POU3F3: variants seen among roughly 807,000 people sequenced by gnomAD.
The protein encoded by POU3F3 is POU class 3 homeobox 3, also known as POU domain, class 3, transcription factor 3.
In POU3F3, 1 loss-of-function variant was observed where a neutral mutation model predicts 8.6. That is an observed-to-expected ratio of 0.12 (90% CI 0.04 to 0.55). The LOEUF is 0.55. Ranked by LOEUF, POU3F3 falls within the 20% of genes least tolerant of loss-of-function variation. POU3F3 has a pLI of 0.91. For synonymous variants in POU3F3, 418 were observed against 327.4 expected (o/e 1.28, Z -2.99); for missense variants, 577 against 690.7 (o/e 0.84, Z 1.84).
At position 104,855,747 on chromosome 2, in the gene POU3F3, G is replaced by C. The variant is rs1391390701; in HGVS notation, c.237G>C (p.Gln79His). 9.1e-6 allele frequency: 12 copies of C among 1,318,928 alleles called. No individual in the cohort carries two copies. Among genetic ancestry groups the C allele is most frequent in the Non-Finnish European group, 1.1e-5 (11 of 1,011,120 alleles). The allele number at this position is 1,318,928 out of a possible 1,614,324, so 81.7% of individuals were successfully genotyped here. ...AGATGGTCCAGAGCGACTTCATGCAGGGGGCCATGGCCGCCAGCAACGGCG... is the reference window on the plus strand; with the variant it reads ...AGATGGTCCAGAGCGACTTCATGCACGGGGCCATGGCCGCCAGCAACGGCG... ...SVKMVQSDFMQGAMAASNGGH... is the reference protein window; with the variant it reads ...SVKMVQSDFMHGAMAASNGGH... The change falls in exon 1 of 1, where the codon CAG (glutamine) becomes CAC (histidine). Residue 79 changes from glutamine to histidine, a missense_variant. Coordinates refer to ENST00000361360, the MANE Select transcript of POU3F3 (RefSeq NM_006236.3).
rs1054720975 is a variant in POU3F3, at chr2:104,858,061, T to A, written c.*1048T>A. Reference sequence around the variant, plus strand: ...ATGCCTAAAGATTCCACCGCTAATATTTTTTTTATTAATATTTTTTATTTT... The same window carrying A: ...ATGCCTAAAGATTCCACCGCTAATAATTTTTTTATTAATATTTTTTATTTT... On this transcript the variant is annotated 3_prime_UTR_variant, in exon 1 of 1. Transcript: ENST00000361360. 7.2e-5 allele frequency: 11 copies of A among 152,062 alleles called. No homozygotes were observed. The highest frequency in any genetic ancestry group is 1.0e-4 in the Non-Finnish European group (7 of 68,014). The allele number at this position is 152,062 out of a possible 1,614,324, so 9.4% of individuals were successfully genotyped here. A position where few individuals can be genotyped will look rare whatever the true frequency, so the allele number is the denominator to read the frequency against.
the POU3F3 span, among the ~76,000 whole-genome samples, chr2:104,909,080 A>G: frequency 6.6e-6 from 1 of 152,238 alleles, no homozygotes; most frequent in Admixed American, 6.5e-5. Flanking sequence ...ACTAGAAATT[A>G]TTTAGTTATT....
At chr2:104,925,137 G>T in the POU3F3 span, among the ~76,000 whole-genome samples, 19 of 152,090 alleles carry the variant, frequency 1.2e-4, no homozygotes, top group Admixed American at 2.6e-4. Flanking sequence ...TTCTTCTCTG[G>T]GTTTTGTACT....
the POU3F3 span, among the ~76,000 whole-genome samples, chr2:104,889,034 C>T: frequency 3.9e-5 from 6 of 152,230 alleles, no homozygotes; most frequent in Admixed American, 2.0e-4. Context: ...TTGCTCTGCA[C>T]GCATGAGTGG....
At position 104,856,339 on chromosome 2, in the gene POU3F3, C is replaced by G. The variant is rs960112634; in HGVS notation, c.829C>G (p.His277Asp). The change falls in exon 1 of 1, where the codon CAC becomes GAC. Residue 277 changes from histidine (H) to aspartate (D), a missense_variant. Transcript: ENST00000361360. Reference sequence around the variant, plus strand: ...CGAGCACCACCACCACCACCACCACCACGCGCATCCTCACCCGCCGCACCC... The same window carrying G: ...CGAGCACCACCACCACCACCACCACGACGCGCATCCTCACCCGCCGCACCC... Reference protein sequence around the residue: ...LAEHHHHHHHHAHPHPPHPHH... With the variant: ...LAEHHHHHHHDAHPHPPHPHH... 4 of 1,510,490 alleles carry G rather than the reference C, an allele frequency of 2.6e-6. No homozygotes were observed. Among genetic ancestry groups the G allele is most frequent in the Non-Finnish European group, 3.5e-6 (4 of 1,135,128 alleles). 93.6% of individuals were successfully genotyped at this position (1,510,490 alleles called of 1,614,324 possible). A position where few individuals can be genotyped will look rare whatever the true frequency, so the allele number is the denominator to read the frequency against.
chr2:104,912,342 C>T, the POU3F3 span, among the ~76,000 whole-genome samples: 1 of 152,224 alleles, frequency 6.6e-6, no homozygotes, highest in African/African-American at 2.4e-5. Context: ...ATTGGCCACT[C>T]CGCCCTCACG....
At chr2:104,865,556 T>C in the POU3F3 span, 1 of 152,214 alleles carries the variant, frequency 6.6e-6, no homozygotes, top group East Asian at 1.9e-4. Flanking sequence ...ATTAGCTCTG[T>C]CCTGCAGGAC....
Position 104,855,821 on chromosome 2 carries a change from C to A in POU3F3, c.311C>A (p.Ala104Asp). 9.1e-7 allele frequency: 1 copy of A among 1,104,630 alleles called. No homozygotes were observed. Among genetic ancestry groups the A allele is most frequent in the Non-Finnish European group, 1.1e-6 (1 of 904,842 alleles). 68.4% of individuals were successfully genotyped at this position (1,104,630 alleles called of 1,614,324 possible). A position where few individuals can be genotyped will look rare whatever the true frequency, so the allele number is the denominator to read the frequency against. ...AHQWVTALPHAAAAAAAAAAA... is the reference protein window; with the variant it reads ...AHQWVTALPHDAAAAAAAAAA... ...CAGTGGGTCACAGCCCTGCCCCACGCCGCCGCCGCCGCCGCCGCTGCCGCC... is the reference window on the plus strand; with the variant it reads ...CAGTGGGTCACAGCCCTGCCCCACGACGCCGCCGCCGCCGCCGCTGCCGCC... Residue 104 changes from alanine (A) to aspartate (D), a missense_variant, in exon 1 of 1, where the codon GCC becomes GAC. Ala to Asp is a moderately radical substitution (Grantham distance 126). This residue lies in a region of POU3F3 where 484 missense variants were observed against 422.6 expected (regional missense o/e 1.15). Coordinates refer to ENST00000361360, the MANE Select transcript of POU3F3 (RefSeq NM_006236.3).
chr2:104,887,762 A>T, the POU3F3 span, among the ~76,000 whole-genome samples: 2 of 152,346 alleles, frequency 1.3e-5, no homozygotes, highest in East Asian at 3.9e-4. Context: ...AAGCTGTTCA[A>T]GAGCTCCAGA....
the POU3F3 span, among the ~76,000 whole-genome samples, chr2:104,869,400 A>G: frequency 6.6e-6 from 1 of 152,194 alleles, no homozygotes; most frequent in Admixed American, 6.5e-5. Context: ...TCCATTTTCA[A>G]ACAAGTTGTG....
chr2:104,906,982 G>T, the POU3F3 span, among the ~76,000 whole-genome samples: 3 of 151,998 alleles, frequency 2.0e-5, no homozygotes, highest in African/African-American at 7.2e-5. Flanking sequence ...GTCGGGGTTG[G>T]CTTTCTCAGC....
At chr2:104,915,313 C>A in the POU3F3 span, among the ~76,000 whole-genome samples, 1 of 152,116 alleles carries the variant, frequency 6.6e-6, no homozygotes, top group Non-Finnish European at 1.5e-5. Flanking sequence ...TGTGAGCTAG[C>A]CTGAGACAAC....
In POU3F3 at chr2:104,855,952, G is replaced by C; in HGVS notation, c.442G>C (p.Asp148His). 1 of 1,054,932 alleles carries C rather than the reference G, an allele frequency of 9.5e-7. No homozygotes were observed. 65.3% of individuals were successfully genotyped at this position (1,054,932 alleles called of 1,614,324 possible). A position where few individuals can be genotyped will look rare whatever the true frequency, so the allele number is the denominator to read the frequency against. ...QPPPPPPQGPDVKGGAGRDDL... is the reference protein window; with the variant it reads ...QPPPPPPQGPHVKGGAGRDDL... ...GCCGCCGCCACCGCCGCAGGGCCCC[G>C]ACGTGAAGGGCGGCGCCGGGCGCGA... The change falls in exon 1 of 1, where the codon GAC becomes CAC. Residue 148 changes from aspartate to histidine, a missense_variant. This residue lies in a region of POU3F3 where 484 missense variants were observed against 422.6 expected (regional missense o/e 1.15). Coordinates refer to ENST00000361360, the MANE Select transcript of POU3F3 (RefSeq NM_006236.3).
chr2:104,903,945 G>A, the POU3F3 span, among the ~76,000 whole-genome samples: 1 of 152,180 alleles, frequency 6.6e-6, no homozygotes, highest in Non-Finnish European at 1.5e-5. Flanking sequence ...CTCAAGGAAA[G>A]GCCAAGGTGA....
rs1676568788 is a variant in POU3F3, at chr2:104,856,361, A to T, written c.851A>T (p.His284Leu). Residue 284 changes from histidine (H) to leucine (L), a missense_variant, in exon 1 of 1, where the codon CAC (histidine) becomes CTC (leucine). Transcript: ENST00000361360. ...HHHHAHPHPP[H>L]PHHAQGPPHH... is the part of the protein sequence containing the mutation. ...CACCACGCGCATCCTCACCCGCCGC[A>T]CCCGCACCACGCGCAGGGACCCCCG... The T allele has an allele frequency of 6.5e-7, 1 of 1,528,732 alleles. No individual in the cohort carries two copies. Among genetic ancestry groups the T allele is most frequent in the Non-Finnish European group, 8.8e-7 (1 of 1,142,344 alleles). 94.7% of individuals were successfully genotyped at this position (1,528,732 alleles called of 1,614,324 possible).
In POU3F3 at chr2:104,856,229, CCGGCGG is replaced by C. The variant is rs542802090; in HGVS notation, c.734_739del (p.Gly245_Gly246del). 37 of 1,270,212 alleles carry C rather than the reference CCGGCGG, an allele frequency of 2.9e-5. No individual in the cohort carries two copies. In the South Asian group the frequency reaches 4.2e-4, roughly 14 times the overall value. 78.7% of individuals were successfully genotyped at this position (1,270,212 alleles called of 1,614,324 possible). On this transcript the variant is annotated inframe_deletion, in exon 1 of 1. Transcript: ENST00000361360. ...GGCATGCTGAGCGCGCCACCGGGGC[CCGGCGG>C]CGGCGGCGGCGGCGCGGGCGGTGGA...
chr2:104,898,875 AT>A, the POU3F3 span, among the ~76,000 whole-genome samples: 17 of 151,988 alleles, frequency 1.1e-4, no homozygotes, highest in Admixed American at 5.9e-4. Context: ...GGGAATCAAC[AT>A]TTTTTTTACC....
At chr2:104,903,804 G>T in the POU3F3 span, among the ~76,000 whole-genome samples, 1 of 152,186 alleles carries the variant, frequency 6.6e-6, no homozygotes, top group Non-Finnish European at 1.5e-5. Flanking sequence ...AGCTCTACGG[G>T]TTCTTGCAGG....
the POU3F3 span, among the ~76,000 whole-genome samples, chr2:104,893,586 T>C: frequency 8.7e-4 from 133 of 152,326 alleles, 1 homozygote; most frequent in African/African-American, 3.1e-3. Flanking sequence ...AGTTGGATGA[T>C]GACTAAAAGA....
Sources: allele counts gnomAD v4.1 joint callset (sites outside exome capture counted in the v4.1 genomes callset), GRCh38; gene constraint gnomAD v4.1.1; regional missense constraint gnomAD v4.1.1; transcripts MANE v1.5; gene names NCBI Gene and HGNC (gene_info 2026-07-23, HGNC 2026-07-21).